RASSF6: variants seen among roughly 807,000 people sequenced by gnomAD.
The protein encoded by RASSF6 is ras association domain-containing protein 6.
Under a neutral mutation model 44.0 loss-of-function variants are expected in RASSF6, and 52 were observed. That is an observed-to-expected ratio of 1.18 (90% CI 0.95 to 1.49). The LOEUF (loss-of-function observed/expected upper bound fraction) is 1.49. Ranked by LOEUF, RASSF6 falls within the 40% of genes most tolerant of loss-of-function variation. The probability of loss-of-function intolerance (pLI) is 0.00; values close to 1 mark genes in which losing one functional copy is unlikely to be tolerated. For missense variants in RASSF6, 464 were observed against 393.3 expected (o/e 1.18, Z -1.52); for synonymous variants, 162 against 124.6 (o/e 1.30, Z -2.00).
chr4:73,608,583 A>C (rs756692994), intron 2 of RASSF6, among the ~76,000 whole-genome samples: 10 of 152,226 alleles, frequency 6.6e-5, no homozygotes, highest in Admixed American at 1.3e-4. Context: ...CCATGTGGAC[A>C]AAAATTCTAA....
chr4:73,618,673 G>T (rs529752772), intron 1 of RASSF6, among the ~76,000 whole-genome samples: 1 of 152,220 alleles, frequency 6.6e-6, no homozygotes, highest in East Asian at 1.9e-4. Context: ...GTTGGGTTTA[G>T]AATTCTATCC....
rs1723020873 is a variant in RASSF6 at position 73,573,377 on chromosome 4, C to T, written c.*2858G>A. 6.6e-6 allele frequency: 1 copy of T among 152,344 alleles called. No individual in the cohort carries two copies. The highest frequency in any genetic ancestry group is 1.5e-5 in the Non-Finnish European group (1 of 68,060). 9.4% of individuals were successfully genotyped at this position (152,344 alleles called of 1,614,324 possible). A position where few individuals can be genotyped will look rare whatever the true frequency, so the allele number is the denominator to read the frequency against. The stretch of plus-strand genomic sequence containing the variant: ...TCCCAACCTCAAGTGATCCACCTAC[C>T]TTGGCCTCCTAAAGTGCTGGGATTA... On this transcript the variant is annotated 3_prime_UTR_variant, in exon 11 of 11. Transcript: ENST00000307439.
chr4:73,582,324 T>C lies in RASSF6; in HGVS notation c.568-34A>G, dbSNP rs568458801. 8.2e-6 allele frequency: 9 copies of C among 1,095,396 alleles called. No homozygotes were observed. The African/African-American group carries it at 1.3e-4, about 16-fold the overall frequency. The allele number at this position is 1,095,396 out of a possible 1,614,324, so 67.9% of individuals were successfully genotyped here. A position where few individuals can be genotyped will look rare whatever the true frequency, so the allele number is the denominator to read the frequency against. Reference sequence around the variant, plus strand: ...AGAATTGTCACATAAGTCTTTAAAATTATATTATATTAAGGGTATTCAATA... The same window carrying C: ...AGAATTGTCACATAAGTCTTTAAAACTATATTATATTAAGGGTATTCAATA... On this transcript the variant is annotated intron_variant, in intron 6 of 10. Transcript: ENST00000307439.
At chr4:73,604,581 T>G (rs1725496875) in intron 2 of RASSF6, 1 of 152,198 alleles carries the variant, frequency 6.6e-6, no homozygotes. Context: ...CTTCAGCAGG[T>G]GAAAAACTGA....
chr4:73,582,698 T>A (rs1723763523), intron 6 of RASSF6, among the ~76,000 whole-genome samples: 1 of 152,048 alleles, frequency 6.6e-6, no homozygotes, highest in South Asian at 2.1e-4. Flanking sequence ...TCTGTAGAAA[T>A]GGGGTGGGTT....
intron 1 of RASSF6, among the ~76,000 whole-genome samples, chr4:73,613,620 G>T (rs1016475189): frequency 6.3e-4 from 96 of 151,950 alleles, no homozygotes; most frequent in African/African-American, 2.1e-3. Flanking sequence ...CTCCATCCAT[G>T]TTCCAAGAGC....
intron 1 of RASSF6, among the ~76,000 whole-genome samples, chr4:73,618,929 C>T (rs1206065665): frequency 6.6e-6 from 1 of 152,130 alleles, no homozygotes. Flanking sequence ...CAAAAGTGCC[C>T]TTTAAGTGAA....
At chr4:73,609,163 G>A (rs1725844567) in intron 2 of RASSF6, among the ~76,000 whole-genome samples, 1 of 152,088 alleles carries the variant, frequency 6.6e-6, no homozygotes, top group Admixed American at 6.6e-5. Flanking sequence ...GTGAAATCTG[G>A]TTGGTATTCT....
intron 1 of RASSF6, among the ~76,000 whole-genome samples, chr4:73,615,737 A>G (rs529411638): frequency 1.3e-5 from 2 of 152,358 alleles, no homozygotes; most frequent in East Asian, 3.9e-4. Flanking sequence ...CTAGAAGTAT[A>G]GGAGAGGTAG....
intron 6 of RASSF6, 92 bp from the exon 7 acceptor site, chr4:73,582,382 A>T (rs376796888): frequency 7.5e-6 from 4 of 533,460 alleles, no homozygotes; most frequent in East Asian, 3.2e-5. Context: ...GGGCAAAAAA[A>T]ATCCAAGGTC....
chr4:73,596,867 A>C (rs1724974707), intron 3 of RASSF6, among the ~76,000 whole-genome samples: 1 of 152,130 alleles, frequency 6.6e-6, no homozygotes, highest in Non-Finnish European at 1.5e-5. Context: ...AAACAAGCAG[A>C]GGGGAAAGGA....
At chr4:73,617,232 C>T (rs953376515) in intron 1 of RASSF6, among the ~76,000 whole-genome samples, 2 of 152,152 alleles carry the variant, frequency 1.3e-5, no homozygotes, top group Non-Finnish European at 2.9e-5. Context: ...CATGCCACTG[C>T]CCTCAGTTCA....
intron 7 of RASSF6, 127 bp downstream of exon 7, chr4:73,582,050 CAAAGGAAAGAAT>C: frequency 1.5e-6 from 1 of 655,344 alleles, no homozygotes; most frequent in South Asian, 2.3e-5. Context: ...AGGTGTTATA[CAAAGGAAAGAAT>C]CTTTCAGTGC....
chr4:73,604,070 A>G (rs533220597), intron 2 of RASSF6: 1 of 152,348 alleles, frequency 6.6e-6, no homozygotes, highest in Non-Finnish European at 1.5e-5. Context: ...AATACACTCA[A>G]CGAGGTTGCC....
chr4:73,591,573 C>T (rs924430541), intron 4 of RASSF6, among the ~76,000 whole-genome samples: 5 of 151,990 alleles, frequency 3.3e-5, no homozygotes, highest in African/African-American at 4.8e-5. Context: ...AATGATGCTC[C>T]TTGTCATTTA....
intron 1 of RASSF6, among the ~76,000 whole-genome samples, chr4:73,618,653 C>T (rs1002533151): frequency 1.3e-5 from 2 of 152,012 alleles, no homozygotes; most frequent in African/African-American, 4.8e-5. Flanking sequence ...ACATAGTAAA[C>T]TTCAGTTAGG....
chr4:73,585,753 G>A (rs1002576364), intron 5 of RASSF6, among the ~76,000 whole-genome samples: 6 of 151,918 alleles, frequency 3.9e-5, no homozygotes, highest in African/African-American at 1.4e-4. Flanking sequence ...AAAGTACAGT[G>A]AGTTGAAGTG....
chr4:73,617,132 TG>T (rs1726415356), intron 1 of RASSF6, among the ~76,000 whole-genome samples: 2 of 152,166 alleles, frequency 1.3e-5, no homozygotes, highest in Admixed American at 1.3e-4. Flanking sequence ...AGTCAGTGAT[TG>T]TTGGTTTTGA....
chr4:73,573,823 AAATAG>A lies in RASSF6; in HGVS notation c.*2407_*2411del, dbSNP rs1723046210. 6.6e-6 allele frequency: 1 copy of A among 152,324 alleles called. No homozygotes were observed. The highest frequency in any genetic ancestry group is 2.1e-4 in the South Asian group (1 of 4,824). 9.4% of individuals were successfully genotyped at this position (152,324 alleles called of 1,614,324 possible). On this transcript the variant is annotated 3_prime_UTR_variant, in exon 11 of 11. Transcript: ENST00000307439. Reference sequence around the variant, plus strand: ...TCACTGTTGGTTGCCCGCTCCGTGAAAATAGATATAGACTCTTGAAATGTTTCCTT... The same window carrying A: ...TCACTGTTGGTTGCCCGCTCCGTGAAATATAGACTCTTGAAATGTTTCCTT...
Sources: gnomAD v4.1 joint callset for allele counts (sites outside exome capture counted in the v4.1 genomes callset) on GRCh38, gnomAD v4.1.1 for gene constraint, MANE v1.5 for transcripts, NCBI Gene and HGNC (gene_info 2026-07-23, HGNC 2026-07-21) for gene names.